Variants in GRIA1 observed in about 807,000 individuals in gnomAD.
GRIA1 encodes the protein glutamate ionotropic receptor AMPA type subunit 1.
Under a neutral mutation model 99.2 loss-of-function variants are expected in GRIA1, and 31 were observed. That is an observed-to-expected ratio of 0.31 (90% CI 0.23 to 0.42). GRIA1 has a LOEUF of 0.42. Ranked by LOEUF, GRIA1 falls within the 10% of genes least tolerant of loss-of-function variation. GRIA1 has a pLI of 1.00. For synonymous variants in GRIA1, 438 were observed against 432.4 expected (o/e 1.01, Z -0.16); for missense variants, 782 against 1,157.5 (o/e 0.68, Z 4.71).
intron 11 of GRIA1, among the ~76,000 whole-genome samples, chr5:153,720,742 C>A (rs1248135731): frequency 6.6e-6 from 1 of 152,162 alleles, no homozygotes; most frequent in African/African-American, 2.4e-5. Flanking sequence ...CACTTTTCTT[C>A]TCAGGCCTCA....
At chr5:153,514,701 A>AT (rs1272603418) in intron 2 of GRIA1, among the ~76,000 whole-genome samples, 23 of 152,142 alleles carry the variant, frequency 1.5e-4, no homozygotes, top group Non-Finnish European at 2.8e-4. Flanking sequence ...AAATTTTGGG[A>AT]TTTTTTTCTA....
intron 2 of GRIA1, among the ~76,000 whole-genome samples, chr5:153,537,158 A>G (rs1259334485): frequency 6.6e-6 from 1 of 152,180 alleles, no homozygotes; most frequent in African/African-American, 2.4e-5. Context: ...TCAACGCCAT[A>G]CAGTGTGTGC....
chr5:153,492,083 C>T lies in GRIA1; in HGVS notation c.82+1113C>T, dbSNP rs932948546. On this transcript the variant is annotated intron_variant, in intron 1 of 15. Transcript: ENST00000285900. ...CGTTGGTTTGGTTTCTAGTCTCTCTCCCCTGGTAGGGAGATAGCTCCACTA... is the reference window on the plus strand; with the variant it reads ...CGTTGGTTTGGTTTCTAGTCTCTCTTCCCTGGTAGGGAGATAGCTCCACTA... 43 of 1,360,138 alleles carry T rather than the reference C, an allele frequency of 3.2e-5. 1 individual carries two copies. In the Admixed American group the frequency reaches 1.0e-3, roughly 32 times the overall value. 84.3% of individuals were successfully genotyped at this position (1,360,138 alleles called of 1,614,324 possible). A position where few individuals can be genotyped will look rare whatever the true frequency, so the allele number is the denominator to read the frequency against.
At chr5:153,783,560 G>A (rs141861413) in intron 13 of GRIA1, among the ~76,000 whole-genome samples, 11 of 152,296 alleles carry the variant, frequency 7.2e-5, no homozygotes, top group Non-Finnish European at 1.5e-4. Flanking sequence ...AGGTCTCTGG[G>A]CTGTATCCAC....
In GRIA1 at chr5:153,557,506, G is replaced by T. The variant is rs78633256; in HGVS notation, c.220+63441G>T. Among the ~76,000 whole-genome samples the T allele has an allele frequency of 3.1e-4, 47 of 152,228 alleles. No homozygotes were observed. The East Asian group carries it at 8.7e-3, about 28-fold the overall frequency. On this transcript the variant is annotated intron_variant, in intron 2 of 15. Transcript: ENST00000285900. ...AAACTTTTAAATGTTTTAACTTTTT[G>T]ACTCTTTTGTAGTAACAGCTTAAAA...
At chr5:153,753,744 G>A (rs1432508127) in intron 11 of GRIA1, among the ~76,000 whole-genome samples, 2 of 150,492 alleles carry the variant, frequency 1.3e-5, no homozygotes, top group Non-Finnish European at 3.0e-5. Flanking sequence ...TTTGGGAAAA[G>A]CCATGCCAAG....
intron 8 of GRIA1, among the ~76,000 whole-genome samples, chr5:153,693,584 T>C (rs141470771): frequency 6.6e-6 from 1 of 152,284 alleles, no homozygotes; most frequent in Non-Finnish European, 1.5e-5. Context: ...TTTAAGACTT[T>C]CTCCACTTAA....
chr5:153,794,775 A>C (rs1561866459), intron 14 of GRIA1, 40 bp downstream of exon 14: 2 of 1,187,982 alleles, frequency 1.7e-6, no homozygotes, highest in South Asian at 2.5e-5. Flanking sequence ...AGTGGGTATG[A>C]AATAGCATGG....
intron 2 of GRIA1, among the ~76,000 whole-genome samples, chr5:153,615,681 G>A (rs527960457): frequency 2.0e-5 from 3 of 152,164 alleles, no homozygotes; most frequent in East Asian, 3.9e-4. Flanking sequence ...AAAAGTAAAC[G>A]CCACCATCAC....
intron 2 of GRIA1, among the ~76,000 whole-genome samples, chr5:153,631,014 A>G (rs1219449850): frequency 6.6e-6 from 1 of 152,208 alleles, no homozygotes; most frequent in African/African-American, 2.4e-5. Context: ...ACAGATGAGG[A>G]AACAAAAGCT....
Position 153,650,493 on chromosome 5 carries a change from C to A in GRIA1, c.624C>A (p.Arg208=), listed in dbSNP as rs774608617. 1.9e-6 allele frequency: 3 copies of A among 1,613,670 alleles called. No individual in the cohort carries two copies. Among genetic ancestry groups the A allele is most frequent in the East Asian group, 2.2e-5 (1 of 44,850 alleles). Residue 208 remains arginine (R), a synonymous_variant, in exon 4 of 16, where the codon CGC becomes CGA. Coordinates refer to ENST00000285900, the MANE Select transcript of GRIA1 (RefSeq NM_000827.4). The part of the protein sequence containing the change: ...RLVVVDCESE[R]LNAILGQIIK... ...TGGTGGTGGACTGTGAATCAGAACGCCTCAATGCTATCTTGGGCCAGGTAG... is the reference window on the plus strand; with the variant it reads ...TGGTGGTGGACTGTGAATCAGAACGACTCAATGCTATCTTGGGCCAGGTAG...
chr5:153,528,080 G>A (rs574148422), intron 2 of GRIA1, among the ~76,000 whole-genome samples: 2 of 152,252 alleles, frequency 1.3e-5, no homozygotes, highest in East Asian at 3.9e-4. Flanking sequence ...ACACCTGAGT[G>A]TTTATGCTTG....
At chr5:153,586,508 A>G (rs915065065) in intron 2 of GRIA1, among the ~76,000 whole-genome samples, 4 of 152,224 alleles carry the variant, frequency 2.6e-5, no homozygotes, top group Admixed American at 2.6e-4. Context: ...TCTAAATCCC[A>G]AGTTATATGA....
chr5:153,756,278 C>T lies in GRIA1; in HGVS notation c.1824-8156C>T, dbSNP rs76498297. On this transcript the variant is annotated intron_variant, in intron 11 of 15. Transcript: ENST00000285900. ...GTCTCAGCTTTCACCCCTCTTGCTACAGTTGGGAAACTCCCCCACCCATGC... is the reference window on the plus strand; with the variant it reads ...GTCTCAGCTTTCACCCCTCTTGCTATAGTTGGGAAACTCCCCCACCCATGC... Among the ~76,000 whole-genome samples the T allele has an allele frequency of 8.1e-3, 1,231 of 152,112 alleles. 7 individuals carry two copies. The highest frequency in any genetic ancestry group is 0.014 in the Middle Eastern group (4 of 294).
At chr5:153,701,619 C>CAAAAAAAAAAAAAAAAAAAGAAAAAAAAA (rs1758527925) in intron 10 of GRIA1, among the ~76,000 whole-genome samples, 1 of 39,426 alleles carries the variant, frequency 2.5e-5, no homozygotes, top group Non-Finnish European at 4.5e-5. Flanking sequence ...AGACCCGTCT[C>CAAAAAAAAAAAAAAAAAAAGAAAAAAAAA]AAAAAAAAAA....
intron 10 of GRIA1, among the ~76,000 whole-genome samples, chr5:153,701,223 C>T (rs952830124): frequency 2.0e-5 from 3 of 152,172 alleles, no homozygotes; most frequent in African/African-American, 7.2e-5. Context: ...GTCACTGGCA[C>T]AGCAGGGCTC....
intron 13 of GRIA1, among the ~76,000 whole-genome samples, chr5:153,780,675 T>A (rs1207100600): frequency 2.6e-5 from 4 of 152,224 alleles, no homozygotes; most frequent in African/African-American, 9.6e-5. Flanking sequence ...ATGAGATTCA[T>A]AAGATTGTCT....
chr5:153,588,874 T>C (rs1763723926), intron 2 of GRIA1, among the ~76,000 whole-genome samples: 2 of 152,184 alleles, frequency 1.3e-5, no homozygotes, highest in Admixed American at 1.3e-4. Flanking sequence ...GATCAATATC[T>C]TCAGCTCCTT....
chr5:153,626,478 GTGTGTGTGTA>G lies in GRIA1; in HGVS notation c.221-20444_221-20435del, dbSNP rs1323657269. 2.3e-3 allele frequency among the ~76,000 whole-genome samples: 344 copies of G among 148,540 alleles called. 2 individuals are homozygous for G. Among genetic ancestry groups the G allele is most frequent in the Middle Eastern group, 7.0e-3 (2 of 286 alleles). On this transcript the variant is annotated intron_variant, in intron 2 of 15. Transcript: ENST00000285900. ...TGTGTGTGTGTGTGTGTGTGTGTGT[GTGTGTGTGTA>G]TGTGTTGTGCTGTTGAAGCTGAATG...
Sources: gnomAD v4.1 joint callset for allele counts (sites outside exome capture counted in the v4.1 genomes callset) on GRCh38, gnomAD v4.1.1 for gene constraint, MANE v1.5 for transcripts, NCBI Gene and HGNC (gene_info 2026-07-23, HGNC 2026-07-21) for gene names.